Variants in TMX1 observed in about 807,000 individuals in gnomAD.
The protein encoded by TMX1 is thioredoxin-related transmembrane protein 1.
TMX1 carries 25 observed loss-of-function variants against 36.6 expected under a neutral mutation model. The ratio of observed to expected loss-of-function variants is 0.68; its 90% CI spans 0.50 to 0.95. The LOEUF is 0.95. Among genes scored for constraint, TMX1 ranks in the 40% least tolerant of loss-of-function variants. TMX1 has a pLI of 0.00. For synonymous variants in TMX1, 133 were observed against 118.0 expected (o/e 1.13, Z -0.82); for missense variants, 347 against 339.6 (o/e 1.02, Z -0.17).
At chr14:51,250,413 C>G (rs2065806216) in intron 7 of TMX1, among the ~76,000 whole-genome samples, 5 of 152,234 alleles carry the variant, frequency 3.3e-5, no homozygotes, top group African/African-American at 2.4e-5. Flanking sequence ...CACAGTCACA[C>G]AGAAGTGACA....
Position 51,255,518 on chromosome 14 carries a change from C to T in TMX1, c.*999C>T, listed in dbSNP as rs1397343375. The T allele has an allele frequency of 6.6e-6, 1 of 151,672 alleles. No individual in the cohort carries two copies. The highest frequency in any genetic ancestry group is 2.4e-5 in the African/African-American group (1 of 41,298). 9.4% of individuals were successfully genotyped at this position (151,672 alleles called of 1,614,324 possible). ...GCTTAATATAAAAGTTTGCATTCTA[C>T]TCAGGAAAAAGCATCTTCTTGTATA... is the stretch of plus-strand genomic sequence containing the variant. On this transcript the variant is annotated 3_prime_UTR_variant, in exon 8 of 8. Coordinates refer to ENST00000457354, the MANE Select transcript of TMX1 (RefSeq NM_030755.5).
In TMX1 at chr14:51,253,439, T is replaced by G. The variant is rs144931983; in HGVS notation, c.665-902T>G. Among the ~76,000 whole-genome samples the G allele has an allele frequency of 2.7e-3, 413 of 152,336 alleles. 1 individual carries two copies. The highest frequency in any genetic ancestry group is 0.013 in the South Asian group (64 of 4,822). ...GATGCCAGGCAGACTAAACAACAGA[T>G]GGTTCATTACTGGTAATTTTTCCCC... On this transcript the variant is annotated intron_variant, in intron 7 of 7. Transcript: ENST00000457354.
At chr14:51,246,966 T>TA in intron 3 of TMX1, 126 bp from the exon 4 acceptor site, 2 of 767,918 alleles carry the variant, frequency 2.6e-6, no homozygotes, top group Non-Finnish European at 3.8e-6. Context: ...AATTTGCTAT[T>TA]AATACTTGTA....
At chr14:51,252,858 G>A (rs2065821278) in intron 7 of TMX1, among the ~76,000 whole-genome samples, 2 of 152,174 alleles carry the variant, frequency 1.3e-5, no homozygotes, top group African/African-American at 2.4e-5. Context: ...TTGTTAAGAT[G>A]CTGTTTCTGA....
chr14:51,243,831 T>C, intron 1 of TMX1, 25 bp from the exon 2 acceptor site: 1 of 1,563,176 alleles, frequency 6.4e-7, no homozygotes. Flanking sequence ...TTAACTTTTT[T>C]TAAAAAAAAA....
intron 3 of TMX1, among the ~76,000 whole-genome samples, chr14:51,246,255 A>C (rs894375026): frequency 1.3e-5 from 2 of 151,800 alleles, no homozygotes; most frequent in Non-Finnish European, 2.9e-5. Context: ...CTTATTTGGA[A>C]TTTCCTGCCC....
rs1346134072 is a variant in TMX1, at chr14:51,256,632, C to T, written c.*2113C>T. Reference sequence around the variant, plus strand: ...GATCTCTAGAGGAAAATACAGTATTCTACCTTACGTTGTGTAAATACTTAA... The same window carrying T: ...GATCTCTAGAGGAAAATACAGTATTTTACCTTACGTTGTGTAAATACTTAA... On this transcript the variant is annotated 3_prime_UTR_variant, in exon 8 of 8. Transcript: ENST00000457354. 1 of 152,140 alleles carries T rather than the reference C, an allele frequency of 6.6e-6. No individual in the cohort carries two copies. Among genetic ancestry groups the T allele is most frequent in the African/African-American group, 2.4e-5 (1 of 41,428 alleles). The allele number at this position is 152,140 out of a possible 1,614,324, so 9.4% of individuals were successfully genotyped here. A position where few individuals can be genotyped will look rare whatever the true frequency, so the allele number is the denominator to read the frequency against.
chr14:51,251,587 G>A (rs903342955), intron 7 of TMX1, among the ~76,000 whole-genome samples: 3 of 152,112 alleles, frequency 2.0e-5, no homozygotes, highest in Admixed American at 6.6e-5. Context: ...TGATGTGCAG[G>A]CTGTTACTGC....
chr14:51,241,736 C>G (rs1482558278), intron 1 of TMX1, among the ~76,000 whole-genome samples: 1 of 152,018 alleles, frequency 6.6e-6, no homozygotes, highest in Admixed American at 6.5e-5. Flanking sequence ...TCTTGTGTCA[C>G]GAATACAGCA....
At chr14:51,251,218 C>T (rs1296555292) in intron 7 of TMX1, among the ~76,000 whole-genome samples, 1 of 152,142 alleles carries the variant, frequency 6.6e-6, no homozygotes, top group Non-Finnish European at 1.5e-5. Flanking sequence ...AATGAATATG[C>T]GTTCAGTAGA....
At chr14:51,247,304 G>T (rs1410861469) in intron 4 of TMX1, 84 bp downstream of exon 4, 28 of 1,281,578 alleles carry the variant, frequency 2.2e-5, no homozygotes, top group Non-Finnish European at 2.8e-5. Context: ...TTCATACTCA[G>T]TTTGTTTCTT....
chr14:51,243,121 C>A (rs2065769542), intron 1 of TMX1, among the ~76,000 whole-genome samples: 1 of 150,032 alleles, frequency 6.7e-6, no homozygotes, highest in Non-Finnish European at 1.5e-5. Context: ...AAGAACAACC[C>A]TGTGGTGTAT....
rs557539695 is a variant in TMX1, at chr14:51,256,192, T to G, written c.*1673T>G. 4 of 152,544 alleles carry G rather than the reference T, an allele frequency of 2.6e-5. No homozygotes were observed. Among genetic ancestry groups the G allele is most frequent in the Non-Finnish European group, 5.9e-5 (4 of 67,980 alleles). The allele number at this position is 152,544 out of a possible 1,614,324, so 9.4% of individuals were successfully genotyped here. ...ACTGCCTTCTTTTTCTATTGAGATG[T>G]TTAAGGACAGTAATGCTCATTAATC... is the stretch of plus-strand genomic sequence containing the variant. On this transcript the variant is annotated 3_prime_UTR_variant, in exon 8 of 8. Transcript: ENST00000457354.
intron 1 of TMX1, among the ~76,000 whole-genome samples, chr14:51,242,998 A>T (rs1342998622): frequency 6.6e-6 from 1 of 151,474 alleles, no homozygotes; most frequent in Admixed American, 6.6e-5. Flanking sequence ...CTATTTTAGG[A>T]GTTTGGTTTT....
At chr14:51,245,284 A>G in intron 2 of TMX1, 29 bp from the exon 3 acceptor site, 2 of 1,613,046 alleles carry the variant, frequency 1.2e-6, no homozygotes, top group Non-Finnish European at 1.7e-6. Flanking sequence ...TGGCCTATGT[A>G]AAACCTGCTG....
chr14:51,247,515 C>T (rs61984157), intron 4 of TMX1, among the ~76,000 whole-genome samples: 29 of 151,680 alleles, frequency 1.9e-4, no homozygotes, highest in Admixed American at 5.3e-4. Flanking sequence ...CACCGCCACA[C>T]GTGGCTAATT....
chr14:51,242,232 G>A (rs1423895451), intron 1 of TMX1, among the ~76,000 whole-genome samples: 1 of 152,168 alleles, frequency 6.6e-6, no homozygotes, highest in Non-Finnish European at 1.5e-5. Flanking sequence ...AGGCACCATT[G>A]AAAGCTTCAG....
intron 1 of TMX1, among the ~76,000 whole-genome samples, chr14:51,242,149 A>G (rs2065764894): frequency 6.6e-6 from 1 of 152,136 alleles, no homozygotes; most frequent in African/African-American, 2.4e-5. Flanking sequence ...TAGAACATTT[A>G]TATGGAGGGT....
At chr14:51,247,274 AT>A in intron 4 of TMX1, 54 bp downstream of exon 4, 5 of 1,557,972 alleles carry the variant, frequency 3.2e-6, no homozygotes, top group Non-Finnish European at 4.3e-6. Flanking sequence ...GGAACAGATA[AT>A]TATATTTTAT....
Sources: allele counts gnomAD v4.1 joint callset (sites outside exome capture counted in the v4.1 genomes callset), GRCh38; gene constraint gnomAD v4.1.1; transcripts MANE v1.5; gene names NCBI Gene and HGNC (gene_info 2026-07-23, HGNC 2026-07-21).